Variants in DENND4C observed in about 807,000 individuals in gnomAD.
DENND4C encodes DENN domain-containing protein 4C.
Under a neutral mutation model 203.0 loss-of-function variants are expected in DENND4C, and 108 were observed. That is an observed-to-expected ratio of 0.53 (90% CI 0.46 to 0.62). The LOEUF (loss-of-function observed/expected upper bound fraction) is 0.62, where lower values mean the gene tolerates loss of function less well. DENND4C is among the 20% of genes least tolerant of loss of function. The pLI is 0.00. For missense variants in DENND4C, 2,481 were observed against 2,301.2 expected (o/e 1.08, Z -1.60); for synonymous variants, 871 against 792.4 (o/e 1.10, Z -1.67).
At chr9:19,368,101 G>A (rs1281125498) in intron 30 of DENND4C, among the ~76,000 whole-genome samples, 1 of 152,128 alleles carries the variant, frequency 6.6e-6, no homozygotes, top group Non-Finnish European at 1.5e-5. Flanking sequence ...TTAAATTGGT[G>A]TAATGTTTGG....
chr9:19,341,684 A>G lies in DENND4C; in HGVS notation c.3004+570A>G, dbSNP rs373406579. 4.1e-4 allele frequency among the ~76,000 whole-genome samples: 62 copies of G among 152,306 alleles called. 1 individual carries two copies. The South Asian group carries it at 0.011, about 28-fold the overall frequency. On this transcript the variant is annotated intron_variant, in intron 21 of 32. Coordinates refer to ENST00000434457, the MANE Select transcript of DENND4C (RefSeq NM_001330640.2). Reference sequence around the variant, plus strand: ...AGTGTGACCCATTGAGGTATTTGCCAAAATTACATAGCTACTTTTGACAGA... The same window carrying G: ...AGTGTGACCCATTGAGGTATTTGCCGAAATTACATAGCTACTTTTGACAGA...
intron 20 of DENND4C, chr9:19,337,809 A>T (rs563924719): frequency 2.8e-6 from 1 of 358,950 alleles, no homozygotes; most frequent in Non-Finnish European, 5.1e-6. Context: ...AAATGTAATC[A>T]TATATAGACT....
rs148902158 is a variant in DENND4C at position 19,255,124 on chromosome 9, T to A, written c.-17-21034T>A. Among the ~76,000 whole-genome samples, 769 of 151,722 alleles carry A rather than the reference T, an allele frequency of 5.1e-3. 6 individuals are homozygous for A. The highest frequency in any genetic ancestry group is 0.018 in the African/African-American group (729 of 41,344). ...TTGTGCCGTTGCACTCCAGCCTGGG[T>A]GGCAAGAGCGAAACTCTGTCTCAGT... On this transcript the variant is annotated intron_variant, in intron 1 of 32. Transcript: ENST00000434457.
chr9:19,342,832 CAT>C lies in DENND4C; in HGVS notation c.3151+56_3151+57del, dbSNP rs1236563294. Reference sequence around the variant, plus strand: ...TATTTAAAATATACTTTTATAGACTCATATGTGTCTTTAATGACATTAAATTT... The same window carrying C: ...TATTTAAAATATACTTTTATAGACTCATGTGTCTTTAATGACATTAAATTT... On this transcript the variant is annotated intron_variant, in intron 22 of 32. Transcript: ENST00000434457. 80 of 1,380,018 alleles carry C rather than the reference CAT, an allele frequency of 5.8e-5. No individual in the cohort carries two copies. The East Asian group carries it at 2.1e-3, about 37-fold the overall frequency. 85.5% of individuals were successfully genotyped at this position (1,380,018 alleles called of 1,614,324 possible). A position where few individuals can be genotyped will look rare whatever the true frequency, so the allele number is the denominator to read the frequency against.
chr9:19,316,327 A>G (rs980363861), intron 10 of DENND4C, 90 bp from the exon 11 acceptor site: 1 of 975,916 alleles, frequency 1.0e-6, no homozygotes, highest in East Asian at 2.6e-5. Context: ...CATCTTTTCC[A>G]TTTTCTTGTT....
intron 10 of DENND4C, among the ~76,000 whole-genome samples, chr9:19,310,500 A>G (rs970243446): frequency 4.6e-5 from 7 of 152,246 alleles, no homozygotes; most frequent in Non-Finnish European, 1.0e-4. Context: ...TTGAGTAGTT[A>G]TGACAGAGAC....
At chr9:19,305,579 A>C in intron 10 of DENND4C, 52 bp downstream of exon 10, 1 of 1,526,490 alleles carries the variant, frequency 6.6e-7, no homozygotes, top group Non-Finnish European at 8.9e-7. Flanking sequence ...CACTATGTAG[A>C]GTTACAGTTC....
At chr9:19,336,861 T>A in intron 20 of DENND4C, 29 bp downstream of exon 20, 2 of 1,533,924 alleles carry the variant, frequency 1.3e-6, no homozygotes, top group Non-Finnish European at 1.8e-6. Context: ...TACTAACCCT[T>A]CACTTACTCT....
chr9:19,231,558 C>T (rs1257906395), intron 1 of DENND4C, among the ~76,000 whole-genome samples: 2 of 150,206 alleles, frequency 1.3e-5, no homozygotes, highest in African/African-American at 4.9e-5. Context: ...TTTTTTTCCT[C>T]CCCTTTTCTG....
intron 5 of DENND4C, 81 bp from the exon 6 acceptor site, chr9:19,295,927 T>G: frequency 2.7e-6 from 3 of 1,093,788 alleles, no homozygotes; most frequent in Non-Finnish European, 4.0e-6. Flanking sequence ...AAGCAAATAT[T>G]TCTTGTGTAA....
rs1200706899 is a variant in DENND4C at position 19,290,755 on chromosome 9, A to C, written c.680A>C (p.Glu227Ala). The change falls in exon 5 of 33, where the codon GAA (glutamate) becomes GCA (alanine). Residue 227 changes from glutamate (E) to alanine (A), a missense_variant. By Grantham distance (107) the Glu-to-Ala change is moderately radical. Transcript: ENST00000434457. ...GACTATGAGTCATTTCCACTCTCAG[A>C]ATCAGATGTACCTCTTTTCTGCCTT... is the stretch of plus-strand genomic sequence containing the variant. The part of the protein sequence containing the change: ...EEDYESFPLS[E>A]SDVPLFCLPM... 1 of 1,589,760 alleles carries C rather than the reference A, an allele frequency of 6.3e-7. No individual in the cohort carries two copies. The highest frequency in any genetic ancestry group is 1.2e-5 in the South Asian group (1 of 86,938).
chr9:19,356,897 G>T, intron 26 of DENND4C, 75 bp from the exon 27 acceptor site: 1 of 1,343,764 alleles, frequency 7.4e-7, no homozygotes, highest in South Asian at 1.3e-5. Flanking sequence ...GCAATAAAAT[G>T]ATTCTAAATA....
chr9:19,369,760 T>G, intron 30 of DENND4C, 77 bp from the exon 31 acceptor site: 1 of 862,330 alleles, frequency 1.2e-6, no homozygotes, highest in Non-Finnish European at 1.5e-6. Flanking sequence ...GAGTGAGATG[T>G]TGTCTCAAAA....
chr9:19,258,139 A>G (rs1828448442), intron 1 of DENND4C, among the ~76,000 whole-genome samples: 2 of 151,728 alleles, frequency 1.3e-5, no homozygotes, highest in African/African-American at 2.4e-5. Context: ...CAATCAATCT[A>G]TCTATCTATC....
chr9:19,364,520 C>A (rs903228212), intron 30 of DENND4C, among the ~76,000 whole-genome samples: 1 of 152,132 alleles, frequency 6.6e-6, no homozygotes, highest in Non-Finnish European at 1.5e-5. Flanking sequence ...CTATCTAGCA[C>A]CCTGCTCATA....
chr9:19,259,096 C>T (rs184104547), intron 1 of DENND4C, among the ~76,000 whole-genome samples: 24 of 152,136 alleles, frequency 1.6e-4, no homozygotes, highest in Middle Eastern at 3.4e-3. Context: ...TTTCTTTGTT[C>T]GAACATTCCA....
Position 19,230,833 on chromosome 9 carries a change from G to A in DENND4C, c.-18G>A, listed in dbSNP as rs1820321307. 6.6e-6 allele frequency: 1 copy of A among 152,602 alleles called. No individual in the cohort carries two copies. Among genetic ancestry groups the A allele is most frequent in the African/African-American group, 2.4e-5 (1 of 41,482 alleles). The allele number at this position is 152,602 out of a possible 1,614,324, so 9.5% of individuals were successfully genotyped here. A position where few individuals can be genotyped will look rare whatever the true frequency, so the allele number is the denominator to read the frequency against. ...TGCGCTGACAGAGGAGCAGGCAGCA[G>A]GTGAGGCTGCGGCGCGGGGCCTTTG... On this transcript the variant is annotated splice_region_variant and 5_prime_UTR_variant, in exon 1 of 33. Coordinates refer to ENST00000434457, the MANE Select transcript of DENND4C (RefSeq NM_001330640.2).
intron 1 of DENND4C, among the ~76,000 whole-genome samples, chr9:19,264,623 C>T (rs113490710): frequency 0.015 from 2,305 of 152,154 alleles, 53 homozygotes; most frequent in African/African-American, 0.053. Flanking sequence ...TTCTAATGAT[C>T]TTTTGAATTT....
chr9:19,354,908 G>C (rs999739514), intron 26 of DENND4C, among the ~76,000 whole-genome samples: 33 of 145,410 alleles, frequency 2.3e-4, no homozygotes, highest in African/African-American at 6.9e-4. Flanking sequence ...TTTCTTTTTT[G>C]GCTGTTTGTT....
Sources: allele counts gnomAD v4.1 joint callset (sites outside exome capture counted in the v4.1 genomes callset), GRCh38; gene constraint gnomAD v4.1.1; transcripts MANE v1.5; gene names NCBI Gene and HGNC (gene_info 2026-07-23, HGNC 2026-07-21).